The following CMSS1 variants were observed in gnomAD, a reference collection of about 807,000 sequenced individuals.
The protein encoded by CMSS1 is cms1 ribosomal small subunit homolog.
In CMSS1, 33 loss-of-function variants were observed where a neutral mutation model predicts 43.5. That is an observed-to-expected ratio of 0.76 (90% confidence interval 0.57 to 1.01). The LOEUF is 1.01. Ranked by LOEUF, CMSS1 falls within the 50% of genes least tolerant of loss-of-function variation. The pLI, the probability that CMSS1 is intolerant of heterozygous loss-of-function variation, is 0.00. For synonymous variants in CMSS1, 115 were observed against 117.2 expected, an observed-to-expected ratio of 0.98 and a Z score of 0.12; for missense variants, 313 against 326.4, an observed-to-expected ratio of 0.96 and a Z score of 0.32.
chr3:100,029,444 T>C (rs1035980660), intron 1 of CMSS1, among the ~76,000 whole-genome samples: 5 of 152,180 alleles, frequency 3.3e-5, no homozygotes, highest in South Asian at 2.1e-4. Context: ...TTCATTTTAC[T>C]GTTGCATTTG....
intron 1 of CMSS1, among the ~76,000 whole-genome samples, chr3:100,075,808 G>A (rs1351601032): frequency 1.3e-5 from 2 of 152,062 alleles, no homozygotes; most frequent in East Asian, 1.9e-4. Flanking sequence ...CTGACCTGGG[G>A]CAATTTATCT....
chr3:100,016,719 C>T (rs1710352526), intron 1 of CMSS1, among the ~76,000 whole-genome samples: 1 of 152,190 alleles, frequency 6.6e-6, no homozygotes, highest in African/African-American at 2.4e-5. Flanking sequence ...CCTTTTTATC[C>T]TTTCACTTAT....
chr3:100,082,319 C>G (rs2065945119), intron 1 of CMSS1, among the ~76,000 whole-genome samples: 1 of 152,132 alleles, frequency 6.6e-6, no homozygotes. Context: ...AATTCATAGG[C>G]AAGAATTTAC....
intron 1 of CMSS1, among the ~76,000 whole-genome samples, chr3:99,988,703 T>C (rs1709426262): frequency 6.6e-6 from 1 of 152,340 alleles, no homozygotes; most frequent in Admixed American, 6.5e-5. Flanking sequence ...CCCTTTCTAT[T>C]TGTTTCCTTT....
chr3:99,964,886 A>G (rs1057442869), intron 1 of CMSS1, among the ~76,000 whole-genome samples: 7 of 152,178 alleles, frequency 4.6e-5, no homozygotes, highest in Non-Finnish European at 1.0e-4. Flanking sequence ...GATCACTTGA[A>G]CATCAGTCCC....
intron 1 of CMSS1, among the ~76,000 whole-genome samples, chr3:100,104,137 G>T (rs929282045): frequency 6.6e-6 from 1 of 152,168 alleles, no homozygotes; most frequent in African/African-American, 2.4e-5. Context: ...GAGAGCACAG[G>T]TTACAATGAG....
intron 1 of CMSS1, chr3:100,114,075 T>C (rs915645836): frequency 6.6e-6 from 1 of 152,060 alleles, no homozygotes; most frequent in Admixed American, 6.6e-5. Context: ...GTGCAGGTGT[T>C]GATCACACCT....
At chr3:99,985,969 T>G (rs1000717175) in intron 1 of CMSS1, among the ~76,000 whole-genome samples, 10 of 152,212 alleles carry the variant, frequency 6.6e-5, no homozygotes, top group African/African-American at 2.2e-4. Flanking sequence ...ACAGAACACA[T>G]TTGTACCACA....
intron 1 of CMSS1, among the ~76,000 whole-genome samples, chr3:100,049,675 C>T (rs1271796009): frequency 6.6e-6 from 1 of 152,192 alleles, no homozygotes; most frequent in East Asian, 1.9e-4. Context: ...CTTCTTCCTC[C>T]TCCTTCTCAG....
chr3:100,080,268 C>G (rs2065911177), intron 1 of CMSS1, among the ~76,000 whole-genome samples: 1 of 152,088 alleles, frequency 6.6e-6, no homozygotes, highest in South Asian at 2.1e-4. Flanking sequence ...CAAGCATGAA[C>G]CACTGCACCC....
intron 1 of CMSS1, among the ~76,000 whole-genome samples, chr3:99,983,389 AATATATATATATATATATATATATAT>A (rs397990626): frequency 1.5e-3 from 62 of 40,734 alleles, no homozygotes; most frequent in Admixed American, 2.0e-3. Flanking sequence ...TAAATAAATA[AATATATATATATATATATATATATAT>A]ATATGTATGT....
intron 1 of CMSS1, among the ~76,000 whole-genome samples, chr3:99,820,235 C>G (rs1447298720): frequency 6.6e-6 from 1 of 150,998 alleles, no homozygotes; most frequent in East Asian, 2.0e-4. Flanking sequence ...TCACTCTTGT[C>G]CCCCAGTCTG....
intron 9 of CMSS1, among the ~76,000 whole-genome samples, chr3:100,176,999 AT>A (rs1576124150): frequency 1.3e-5 from 2 of 152,322 alleles, no homozygotes; most frequent in East Asian, 3.9e-4. Context: ...ATGTGAAAAA[AT>A]TACTTTGCCA....
chr3:99,977,815 A>G (rs933702142), intron 1 of CMSS1, among the ~76,000 whole-genome samples: 118 of 152,274 alleles, frequency 7.7e-4, no homozygotes, highest in African/African-American at 2.8e-3. Context: ...GCCTAAACCT[A>G]GGCAGTCATT....
intron 1 of CMSS1, among the ~76,000 whole-genome samples, chr3:100,135,438 ATGTGTGTGTG>A (rs71132511): frequency 0.051 from 6,136 of 120,818 alleles, 139 homozygotes; most frequent in East Asian, 0.11. Flanking sequence ...GTGTGTGTGC[ATGTGTGTGTG>A]TGTGTGTGTG....
At chr3:99,936,520 C>T (rs1162003487) in intron 1 of CMSS1, among the ~76,000 whole-genome samples, 3 of 142,928 alleles carry the variant, frequency 2.1e-5, no homozygotes, top group Non-Finnish European at 4.5e-5. Flanking sequence ...GGACTACAGG[C>T]GCGCACCACC....
intron 1 of CMSS1, among the ~76,000 whole-genome samples, chr3:99,834,430 T>C (rs1171643576): frequency 1.3e-5 from 2 of 152,192 alleles, no homozygotes; most frequent in African/African-American, 4.8e-5. Context: ...TCTCTTTCTG[T>C]GGAAATTATA....
intron 1 of CMSS1, chr3:99,849,146 C>T (rs779840156): frequency 8.7e-6 from 14 of 1,614,158 alleles, no homozygotes; most frequent in South Asian, 2.2e-5. Flanking sequence ...AAGGACAGCA[C>T]AGATCCCTCA....
At chr3:100,104,828 G>A (rs565668900) in intron 1 of CMSS1, among the ~76,000 whole-genome samples, 42 of 152,290 alleles carry the variant, frequency 2.8e-4, no homozygotes, top group South Asian at 8.3e-4. Context: ...AAAACTGGCT[G>A]AGAATCACCA....
Sources: allele counts gnomAD v4.1 joint callset (sites outside exome capture counted in the v4.1 genomes callset), GRCh38; gene constraint gnomAD v4.1.1; transcripts MANE v1.5; gene names NCBI Gene and HGNC (gene_info 2026-07-23, HGNC 2026-07-21).